The following THSD7B variants were observed in gnomAD, a reference collection of about 807,000 sequenced individuals.
THSD7B encodes thrombospondin type 1 domain containing 7B.
In THSD7B, 138 loss-of-function variants were observed where a neutral mutation model predicts 213.6. The ratio of observed to expected loss-of-function variants is 0.65; its 90% confidence interval spans 0.56 to 0.74. THSD7B has a LOEUF of 0.74. Among genes scored for constraint, THSD7B ranks in the 30% least tolerant of loss-of-function variants. THSD7B has a pLI of 0.00. For missense variants in THSD7B, 1,931 were observed against 1,991.5 expected (o/e 0.97, Z 0.58); for synonymous variants, 742 against 687.0 (o/e 1.08, Z -1.25).
chr2:137,416,161 T>A (rs1393077166), intron 14 of THSD7B, among the ~76,000 whole-genome samples: 1 of 152,184 alleles, frequency 6.6e-6, no homozygotes, highest in Admixed American at 6.5e-5. Flanking sequence ...CTTCTGCACA[T>A]GCTGATGTTA....
chr2:136,859,027 G>A (rs141620240), intron 1 of THSD7B, among the ~76,000 whole-genome samples: 27 of 152,284 alleles, frequency 1.8e-4, no homozygotes, highest in Non-Finnish European at 3.1e-4. Context: ...TCTTTCCCAC[G>A]TGTGGGAAGG....
At chr2:137,070,879 A>G (rs1422537587) in intron 3 of THSD7B, among the ~76,000 whole-genome samples, 2 of 152,294 alleles carry the variant, frequency 1.3e-5, no homozygotes, top group African/African-American at 2.4e-5. Flanking sequence ...ATGTCCCTAC[A>G]AAGGACATGA....
chr2:136,794,129 G>A (rs1682018749), intron 1 of THSD7B, among the ~76,000 whole-genome samples: 1 of 151,050 alleles, frequency 6.6e-6, no homozygotes, highest in Non-Finnish European at 1.5e-5. Context: ...GCTTTGCTAT[G>A]TGAGACTAGA....
At chr2:137,005,376 C>T (rs1686083709) in intron 2 of THSD7B, among the ~76,000 whole-genome samples, 1 of 152,196 alleles carries the variant, frequency 6.6e-6, no homozygotes, top group South Asian at 2.1e-4. Context: ...CATCTGCTAT[C>T]TTTTCTCCCC....
chr2:136,852,533 A>G (rs1037847643), intron 1 of THSD7B, among the ~76,000 whole-genome samples: 5 of 152,084 alleles, frequency 3.3e-5, no homozygotes, highest in African/African-American at 1.2e-4. Flanking sequence ...GCCACACCAA[A>G]CTGAGACTTG....
At chr2:137,077,691 ATTTG>A (rs1687659903) in intron 3 of THSD7B, among the ~76,000 whole-genome samples, 1 of 151,084 alleles carries the variant, frequency 6.6e-6, no homozygotes, top group Admixed American at 6.6e-5. Context: ...TTTCTTGTAA[ATTTG>A]TTTGAGTTCA....
intron 3 of THSD7B, among the ~76,000 whole-genome samples, chr2:137,071,122 C>T (rs1163903913): frequency 2.0e-5 from 3 of 152,072 alleles, no homozygotes; most frequent in Non-Finnish European, 4.4e-5. Context: ...GTTCTAGATC[C>T]CTGAGGAATC....
intron 12 of THSD7B, among the ~76,000 whole-genome samples, chr2:137,313,276 T>G (rs1028846843): frequency 1.3e-5 from 2 of 152,112 alleles, no homozygotes; most frequent in African/African-American, 4.8e-5. Context: ...CTTCTTTGTC[T>G]CTTTTGATCT....
Position 137,392,430 on chromosome 2 carries a change from G to A in THSD7B, c.2501-13183G>A, listed in dbSNP as rs193235946. On this transcript the variant is annotated intron_variant, in intron 12 of 27. Coordinates refer to ENST00000409968, the MANE Select transcript of THSD7B (RefSeq NM_001316349.2). Reference sequence around the variant, plus strand: ...TTTATTTTATGAATCTGGGTGTTCCGGTGTTGGGTACATATATATCTAGAA... The same window carrying A: ...TTTATTTTATGAATCTGGGTGTTCCAGTGTTGGGTACATATATATCTAGAA... Among the ~76,000 whole-genome samples the A allele has an allele frequency of 2.7e-3, 416 of 152,032 alleles. 1 individual carries two copies. The highest frequency in any genetic ancestry group is 6.8e-3 in the Middle Eastern group (2 of 294).
intron 7 of THSD7B, among the ~76,000 whole-genome samples, chr2:137,212,802 G>A (rs1681146978): frequency 6.6e-6 from 1 of 152,106 alleles, no homozygotes; most frequent in Admixed American, 6.6e-5. Flanking sequence ...TGAGTCTTGA[G>A]GATGGCTCCA....
At chr2:137,652,018 T>C (rs1043913821) in intron 21 of THSD7B, among the ~76,000 whole-genome samples, 1 of 152,138 alleles carries the variant, frequency 6.6e-6, no homozygotes, top group Non-Finnish European at 1.5e-5. Flanking sequence ...GAAAAGAATG[T>C]ATATTCTACA....
intron 15 of THSD7B, among the ~76,000 whole-genome samples, chr2:137,522,907 G>A (rs934759310): frequency 6.6e-6 from 1 of 152,186 alleles, no homozygotes; most frequent in Non-Finnish European, 1.5e-5. Context: ...TTACCTGCCT[G>A]ATGGCAAAGA....
At chr2:136,863,304 G>T (rs1461763685) in intron 1 of THSD7B, among the ~76,000 whole-genome samples, 1 of 152,196 alleles carries the variant, frequency 6.6e-6, no homozygotes, top group African/African-American at 2.4e-5. Context: ...TCTGCATTCT[G>T]CATTTGTCAC....
intron 12 of THSD7B, among the ~76,000 whole-genome samples, chr2:137,381,179 C>T (rs116074590): frequency 6.6e-6 from 1 of 152,186 alleles, no homozygotes; most frequent in Non-Finnish European, 1.5e-5. Flanking sequence ...GATTGTGGTA[C>T]CCGGTGGCAG....
chr2:137,002,484 C>T (rs928367128), intron 2 of THSD7B, among the ~76,000 whole-genome samples: 4 of 152,100 alleles, frequency 2.6e-5, no homozygotes, highest in Admixed American at 2.6e-4. Context: ...GTAGATTTCC[C>T]CTTTGGTATC....
chr2:137,604,181 T>C (rs1682127356), intron 17 of THSD7B, among the ~76,000 whole-genome samples: 1 of 152,114 alleles, frequency 6.6e-6, no homozygotes, highest in Admixed American at 6.6e-5. Context: ...TAATTGCTCA[T>C]AGCTTCCTGA....
intron 17 of THSD7B, among the ~76,000 whole-genome samples, chr2:137,599,733 C>T (rs1273738811): frequency 1.3e-5 from 2 of 152,128 alleles, no homozygotes; most frequent in Non-Finnish European, 1.5e-5. Context: ...TGTATGATAT[C>T]GACAAACATC....
At chr2:137,569,504 G>A (rs1681310169) in intron 16 of THSD7B, among the ~76,000 whole-genome samples, 1 of 152,150 alleles carries the variant, frequency 6.6e-6, no homozygotes, top group Admixed American at 6.5e-5. Flanking sequence ...GTGTGGACCA[G>A]GGGAGAGGAT....
intron 5 of THSD7B, among the ~76,000 whole-genome samples, chr2:137,138,184 G>T (rs1396332455): frequency 6.6e-6 from 1 of 151,866 alleles, no homozygotes; most frequent in Non-Finnish European, 1.5e-5. Flanking sequence ...ATATTTTTTT[G>T]GAATAGTTTT....
Sources: allele counts gnomAD v4.1 joint callset (sites outside exome capture counted in the v4.1 genomes callset), GRCh38; gene constraint gnomAD v4.1.1; transcripts MANE v1.5; gene names NCBI Gene and HGNC (gene_info 2026-07-23, HGNC 2026-07-21).